Variants in LHFPL6 observed in about 807,000 individuals in gnomAD.
The protein encoded by LHFPL6 is LHFPL tetraspan subfamily member 6, also known as LHFPL tetraspan subfamily member 6 protein.
In LHFPL6, 9 loss-of-function variants were observed where a neutral mutation model predicts 20.6. The ratio of observed to expected loss-of-function variants is 0.44; its 90% CI spans 0.26 to 0.76. The LOEUF is 0.76. Among genes scored for constraint, LHFPL6 ranks in the 30% least tolerant of loss-of-function variants. The pLI, the probability that LHFPL6 is intolerant of heterozygous loss-of-function variation, is 0.20. For missense variants in LHFPL6, 218 were observed against 253.5 expected, an observed-to-expected ratio of 0.86 and a Z score of 0.95; for synonymous variants, 105 against 98.7, an observed-to-expected ratio of 1.06 and a Z score of -0.38.
chr13:39,351,698 C>A (rs990393117), intron 3 of LHFPL6, among the ~76,000 whole-genome samples: 3 of 152,138 alleles, frequency 2.0e-5, no homozygotes, highest in Non-Finnish European at 4.4e-5. Flanking sequence ...AGATTGAAAA[C>A]CTAACTTAGG....
At chr13:39,437,874 C>G (rs1872006527) in intron 2 of LHFPL6, among the ~76,000 whole-genome samples, 1 of 150,572 alleles carries the variant, frequency 6.6e-6, no homozygotes, top group African/African-American at 2.4e-5. Flanking sequence ...TGCACTCCAG[C>G]CTGGGTGACA....
At chr13:39,368,037 A>G (rs1870055898) in intron 3 of LHFPL6, among the ~76,000 whole-genome samples, 1 of 152,238 alleles carries the variant, frequency 6.6e-6, no homozygotes, top group African/African-American at 2.4e-5. Flanking sequence ...TCAAAGATGT[A>G]AAATCCAGCC....
At chr13:39,354,088 C>T (rs1445619310) in intron 3 of LHFPL6, among the ~76,000 whole-genome samples, 1 of 152,188 alleles carries the variant, frequency 6.6e-6, no homozygotes, top group Non-Finnish European at 1.5e-5. Context: ...AGAACTGCAG[C>T]TCTCCACTGC....
intron 2 of LHFPL6, among the ~76,000 whole-genome samples, chr13:39,594,132 A>G (rs1872701337): frequency 6.6e-6 from 1 of 152,224 alleles, no homozygotes; most frequent in Non-Finnish European, 1.5e-5. Flanking sequence ...TAATTAAACT[A>G]AAGAACTTCT....
intron 2 of LHFPL6, among the ~76,000 whole-genome samples, chr13:39,597,194 G>C (rs1872796506): frequency 6.6e-6 from 1 of 152,108 alleles, no homozygotes; most frequent in Non-Finnish European, 1.5e-5. Context: ...ACTAAACATG[G>C]AATAATATAA....
chr13:39,462,931 T>G (rs2138430176), intron 2 of LHFPL6, among the ~76,000 whole-genome samples: 1 of 152,310 alleles, frequency 6.6e-6, no homozygotes, highest in South Asian at 2.1e-4. Flanking sequence ...CAAACCAGGC[T>G]GTAATCATAC....
chr13:39,399,087 A>T (rs1870916399), intron 2 of LHFPL6, among the ~76,000 whole-genome samples: 1 of 152,222 alleles, frequency 6.6e-6, no homozygotes, highest in Non-Finnish European at 1.5e-5. Context: ...GCCACTGATT[A>T]GTGCAGGAAT....
At chr13:39,579,228 T>C (rs1256849723) in intron 2 of LHFPL6, among the ~76,000 whole-genome samples, 1 of 152,172 alleles carries the variant, frequency 6.6e-6, no homozygotes, top group Non-Finnish European at 1.5e-5. Flanking sequence ...GAGGCAGGCA[T>C]GCAGGAAGGG....
intron 2 of LHFPL6, among the ~76,000 whole-genome samples, chr13:39,534,261 T>C (rs1287890572): frequency 6.6e-6 from 1 of 152,208 alleles, no homozygotes; most frequent in Non-Finnish European, 1.5e-5. Context: ...TTTCTTTTTA[T>C]GTTCTTTAGG....
At chr13:39,521,913 A>C (rs1353975340) in intron 2 of LHFPL6, among the ~76,000 whole-genome samples, 1 of 152,192 alleles carries the variant, frequency 6.6e-6, no homozygotes. Flanking sequence ...TAGTGACGTG[A>C]AAGTTAATGG....
chr13:39,385,393 G>A (rs58009597), intron 2 of LHFPL6, among the ~76,000 whole-genome samples: 16,307 of 152,256 alleles, frequency 0.11, 975 homozygotes, highest in African/African-American at 0.17. Context: ...CTCTAAGGAG[G>A]AGCCAGTGGG....
At chr13:39,575,071 GA>G (rs1008448111) in intron 2 of LHFPL6, among the ~76,000 whole-genome samples, 82 of 144,578 alleles carry the variant, frequency 5.7e-4, no homozygotes, top group Middle Eastern at 3.5e-3. Context: ...TCCATCTCAA[GA>G]AAAAAAAAAA....
chr13:39,487,729 C>G (rs145696572), intron 2 of LHFPL6, among the ~76,000 whole-genome samples: 398 of 152,270 alleles, frequency 2.6e-3, no homozygotes, highest in African/African-American at 8.7e-3. Context: ...GTTCTCTAGG[C>G]CGGGTGCGGT....
chr13:39,461,957 T>C (rs1021888862), intron 2 of LHFPL6, among the ~76,000 whole-genome samples: 1 of 144,696 alleles, frequency 6.9e-6, no homozygotes, highest in Non-Finnish European at 1.5e-5. Flanking sequence ...AAAAGTAGAC[T>C]AGGATTCACT....
chr13:39,371,752 A>C (rs909821033), intron 3 of LHFPL6, among the ~76,000 whole-genome samples: 1 of 152,146 alleles, frequency 6.6e-6, no homozygotes, highest in Non-Finnish European at 1.5e-5. Flanking sequence ...GTAAAATCAA[A>C]TCTTATAAAA....
At chr13:39,551,261 C>T (rs932153505) in intron 2 of LHFPL6, among the ~76,000 whole-genome samples, 2 of 152,034 alleles carry the variant, frequency 1.3e-5, no homozygotes, top group African/African-American at 4.8e-5. Context: ...TAAGCATCAT[C>T]CCATGGGGGA....
intron 2 of LHFPL6, among the ~76,000 whole-genome samples, chr13:39,578,534 G>C (rs1443728765): frequency 6.6e-6 from 1 of 152,148 alleles, no homozygotes; most frequent in Non-Finnish European, 1.5e-5. Flanking sequence ...CACAAGAAGT[G>C]ACTTAGCCAA....
intron 2 of LHFPL6, among the ~76,000 whole-genome samples, chr13:39,539,958 A>G (rs1255021084): frequency 1.3e-5 from 2 of 152,196 alleles, no homozygotes; most frequent in African/African-American, 4.8e-5. Context: ...TGAAACCCAA[A>G]CAGACTTAGT....
At chr13:39,386,411 C>T (rs376962480) in intron 2 of LHFPL6, among the ~76,000 whole-genome samples, 74 of 152,308 alleles carry the variant, frequency 4.9e-4, no homozygotes, top group African/African-American at 1.7e-3. Context: ...TTCTAGTAAA[C>T]CACACCTCCT....
Sources: allele counts gnomAD v4.1 joint callset (sites outside exome capture counted in the v4.1 genomes callset), GRCh38; gene constraint gnomAD v4.1.1; transcripts MANE v1.5; gene names NCBI Gene and HGNC (gene_info 2026-07-23, HGNC 2026-07-21).